Variants in TRPM3 observed in about 807,000 individuals in gnomAD.
The protein encoded by TRPM3 is long transient receptor potential channel 3.
A neutral mutation model predicts 181.2 loss-of-function variants in TRPM3; 77 were observed. That is an observed-to-expected ratio of 0.42 (90% CI 0.35 to 0.51). The LOEUF (loss-of-function observed/expected upper bound fraction) is 0.51, where lower values mean the gene tolerates loss of function less well. Among genes scored for constraint, TRPM3 ranks in the 20% least tolerant of loss-of-function variants. The pLI is 0.01. For synonymous variants in TRPM3, 745 were observed against 796.4 expected, an observed-to-expected ratio of 0.94 and a Z score of 1.09; for missense variants, 1,759 against 2,196.7, an observed-to-expected ratio of 0.80 and a Z score of 3.98.
intron 10 of TRPM3, 149 bp downstream of exon 10, chr9:70,640,411 G>A: frequency 1.9e-6 from 1 of 518,864 alleles, no homozygotes; most frequent in South Asian, 3.9e-5. Flanking sequence ...TATGAGAAAG[G>A]GAGCTCAGGA....
intron 1 of TRPM3, among the ~76,000 whole-genome samples, chr9:71,141,654 T>C (rs547044180): frequency 2.0e-4 from 31 of 152,312 alleles, no homozygotes; most frequent in African/African-American, 7.2e-4. Context: ...CAACAATACA[T>C]GTCAGTGTTT....
intron 1 of TRPM3, among the ~76,000 whole-genome samples, chr9:71,283,358 G>A (rs1414086437): frequency 2.0e-5 from 3 of 152,104 alleles, no homozygotes; most frequent in Admixed American, 6.5e-5. Flanking sequence ...CTGCAGTGGT[G>A]TGATCTTGGC....
chr9:70,869,778 C>A (rs751177836), intron 1 of TRPM3, among the ~76,000 whole-genome samples: 4 of 151,958 alleles, frequency 2.6e-5, no homozygotes, highest in Non-Finnish European at 5.9e-5. Flanking sequence ...CCACGGTGGC[C>A]TATGGATGCA....
At chr9:71,376,441 C>T (rs948074605) in intron 1 of TRPM3, among the ~76,000 whole-genome samples, 2 of 151,852 alleles carry the variant, frequency 1.3e-5, no homozygotes, top group South Asian at 2.1e-4. Flanking sequence ...ATATATAACT[C>T]CTCAAGTAAT....
At chr9:71,226,458 C>T (rs569084502) in intron 1 of TRPM3, among the ~76,000 whole-genome samples, 2 of 151,334 alleles carry the variant, frequency 1.3e-5, no homozygotes, top group Non-Finnish European at 2.9e-5. Flanking sequence ...TTTAAAGACA[C>T]GTAGACTGAA....
At chr9:70,747,077 C>T (rs113251365) in intron 8 of TRPM3, among the ~76,000 whole-genome samples, 6 of 152,180 alleles carry the variant, frequency 3.9e-5, no homozygotes, top group Non-Finnish European at 7.3e-5. Context: ...CATTCATTCA[C>T]TCACTTATTT....
At chr9:71,209,906 A>C (rs7871074) in intron 1 of TRPM3, among the ~76,000 whole-genome samples, 2 of 152,142 alleles carry the variant, frequency 1.3e-5, no homozygotes, top group Non-Finnish European at 2.9e-5. Context: ...AGCAGAGACC[A>C]TATGGCACAC....
At chr9:71,365,962 G>C (rs1226458765) in intron 1 of TRPM3, among the ~76,000 whole-genome samples, 1 of 152,040 alleles carries the variant, frequency 6.6e-6, no homozygotes, top group Non-Finnish European at 1.5e-5. Flanking sequence ...AATAAAAAAA[G>C]GGGGATAAAG....
chr9:71,138,334 G>A (rs1047750940), intron 1 of TRPM3, among the ~76,000 whole-genome samples: 3 of 152,104 alleles, frequency 2.0e-5, no homozygotes, highest in Non-Finnish European at 4.4e-5. Context: ...CAGGAGAAAC[G>A]CTGGAGCTTT....
intron 1 of TRPM3, among the ~76,000 whole-genome samples, chr9:71,084,045 G>T (rs1045418869): frequency 6.6e-6 from 1 of 151,872 alleles, no homozygotes; most frequent in Admixed American, 6.6e-5. Flanking sequence ...GGGAGACAGG[G>T]ATTCTACAGA....
At chr9:70,538,298 A>G (rs73450138) in intron 25 of TRPM3, among the ~76,000 whole-genome samples, 1 of 152,120 alleles carries the variant, frequency 6.6e-6, no homozygotes, top group Non-Finnish European at 1.5e-5. Flanking sequence ...ATTAAATTAA[A>G]TTAACTTTTT....
At chr9:71,129,778 A>C (rs1284697427) in intron 1 of TRPM3, among the ~76,000 whole-genome samples, 1 of 152,194 alleles carries the variant, frequency 6.6e-6, no homozygotes, top group East Asian at 1.9e-4. Flanking sequence ...AATGACCCTA[A>C]CTTATCTAAC....
intron 1 of TRPM3, among the ~76,000 whole-genome samples, chr9:71,184,069 CA>C (rs2077544760): frequency 6.6e-6 from 1 of 152,146 alleles, no homozygotes; most frequent in Admixed American, 6.6e-5. Flanking sequence ...AGCCAGAATC[CA>C]GACAGGCAGC....
intron 9 of TRPM3, among the ~76,000 whole-genome samples, chr9:70,677,958 G>GT (rs1018171327): frequency 1.3e-4 from 19 of 148,486 alleles, no homozygotes; most frequent in Middle Eastern, 3.5e-3. Flanking sequence ...TGTGTCTCAA[G>GT]TAAGACACAC....
intron 1 of TRPM3, among the ~76,000 whole-genome samples, chr9:71,010,947 AC>A (rs1204728114): frequency 1.3e-5 from 2 of 151,806 alleles, no homozygotes; most frequent in Non-Finnish European, 2.9e-5. Flanking sequence ...ACACACACAC[AC>A]ACACACACAC....
chr9:71,282,832 A>G (rs1588281401), intron 1 of TRPM3, among the ~76,000 whole-genome samples: 1 of 152,238 alleles, frequency 6.6e-6, no homozygotes, highest in East Asian at 1.9e-4. Context: ...AGTCAATAAG[A>G]CCTAAGGTAT....
At chr9:71,151,562 A>G (rs2075736342) in intron 1 of TRPM3, among the ~76,000 whole-genome samples, 1 of 152,096 alleles carries the variant, frequency 6.6e-6, no homozygotes, top group Non-Finnish European at 1.5e-5. Flanking sequence ...CTTTATTAAA[A>G]AAAACATGTT....
intron 1 of TRPM3, among the ~76,000 whole-genome samples, chr9:71,244,219 ACTC>A (rs1377945534): frequency 3.3e-5 from 5 of 151,970 alleles, no homozygotes; most frequent in African/African-American, 1.2e-4. Context: ...AGCAGCATGA[ACTC>A]CTCATCTTAT....
chr9:71,009,256 A>ACAGAAAGGAAGAAGGGCACCCAAAT, intron 1 of TRPM3, among the ~76,000 whole-genome samples: 1 of 152,134 alleles, frequency 6.6e-6, no homozygotes, highest in South Asian at 2.1e-4. Context: ...GGCACTCAAA[A>ACAGAAAGGAAGAAGGGCACCCAAAT]CAGAAAGGAA....
Sources: gnomAD v4.1 joint callset for allele counts (sites outside exome capture counted in the v4.1 genomes callset) on GRCh38, gnomAD v4.1.1 for gene constraint, MANE v1.5 for transcripts, NCBI Gene and HGNC (gene_info 2026-07-23, HGNC 2026-07-21) for gene names.